The following MTUS2 variants were observed in gnomAD, a reference collection of about 807,000 sequenced individuals.
MTUS2 encodes microtubule associated scaffold protein 2.
In MTUS2, 40 loss-of-function variants were observed where a neutral mutation model predicts 114.1. The observed-to-expected ratio is 0.35, with a 90% CI of 0.27 to 0.46. MTUS2 has a LOEUF of 0.46. Among genes scored for constraint, MTUS2 ranks in the 20% least tolerant of loss-of-function variants. MTUS2 has a pLI of 1.00. For synonymous variants in MTUS2, 688 were observed against 672.0 expected (o/e 1.02, Z -0.37); for missense variants, 1,679 against 1,705.4 (o/e 0.98, Z 0.27).
At chr13:29,467,022 A>C (rs1377116767) in intron 9 of MTUS2, among the ~76,000 whole-genome samples, 1 of 152,178 alleles carries the variant, frequency 6.6e-6, no homozygotes, top group Non-Finnish European at 1.5e-5. Context: ...TTTATTATCT[A>C]GCAGCCATTT....
At chr13:29,039,115 C>G (rs574084697) in intron 4 of MTUS2, among the ~76,000 whole-genome samples, 83 of 152,314 alleles carry the variant, frequency 5.4e-4, no homozygotes, top group African/African-American at 1.9e-3. Flanking sequence ...CCCAGTGCTT[C>G]CCATTGACAT....
intron 2 of MTUS2, among the ~76,000 whole-genome samples, chr13:28,941,142 C>T (rs1022368875): frequency 1.6e-4 from 25 of 151,768 alleles, no homozygotes; most frequent in Admixed American, 1.2e-3. Flanking sequence ...ACAACTATAC[C>T]AATAATTTTC....
intron 5 of MTUS2, among the ~76,000 whole-genome samples, chr13:29,164,233 A>G (rs1305690726): frequency 1.3e-5 from 2 of 152,242 alleles, no homozygotes; most frequent in African/African-American, 2.4e-5. Context: ...CTGTGCCCGC[A>G]ACAGGCTGGA....
intron 5 of MTUS2, among the ~76,000 whole-genome samples, chr13:29,114,171 T>G (rs1890991847): frequency 6.6e-6 from 1 of 151,934 alleles, no homozygotes; most frequent in Non-Finnish European, 1.5e-5. Flanking sequence ...TTTTTTTAAA[T>G]AAATTACCCA....
chr13:29,069,917 G>A (rs1888836002), intron 4 of MTUS2, among the ~76,000 whole-genome samples: 1 of 152,276 alleles, frequency 6.6e-6, no homozygotes, highest in Non-Finnish European at 1.5e-5. Context: ...CATTGTATAT[G>A]AGCTCCTAGC....
intron 4 of MTUS2, among the ~76,000 whole-genome samples, chr13:29,036,578 CGTT>C (rs1378752963): frequency 6.6e-6 from 1 of 152,148 alleles, no homozygotes; most frequent in African/African-American, 2.4e-5. Flanking sequence ...AATTTTGTCT[CGTT>C]GATCTGTCTA....
intron 5 of MTUS2, among the ~76,000 whole-genome samples, chr13:29,244,386 C>T (rs1361819174): frequency 6.6e-6 from 1 of 152,064 alleles, no homozygotes; most frequent in Non-Finnish European, 1.5e-5. Context: ...TTCTGAAGAT[C>T]CCACTGATGG....
intron 2 of MTUS2, among the ~76,000 whole-genome samples, chr13:28,877,149 C>CA (rs1455124921): frequency 6.8e-6 from 1 of 146,882 alleles, no homozygotes; most frequent in Non-Finnish European, 1.5e-5. Context: ...AAAAAAACAA[C>CA]AAAAAAATAC....
intron 4 of MTUS2, among the ~76,000 whole-genome samples, chr13:29,077,564 C>T (rs140062627): frequency 6.6e-6 from 1 of 152,244 alleles, no homozygotes; most frequent in African/African-American, 2.4e-5. Flanking sequence ...ATAGCACTTA[C>T]TCTCACCTCT....
chr13:29,172,679 A>G (rs1450925076), intron 5 of MTUS2, among the ~76,000 whole-genome samples: 1 of 152,180 alleles, frequency 6.6e-6, no homozygotes, highest in African/African-American at 2.4e-5. Context: ...AGACATGGGG[A>G]CTGTTTATCT....
In MTUS2 at chr13:29,303,287, C is replaced by T. The variant is rs550213830; in HGVS notation, c.2807-21326C>T. Among the ~76,000 whole-genome samples, 139 of 152,290 alleles carry T rather than the reference C, an allele frequency of 9.1e-4. 1 individual carries two copies. Among genetic ancestry groups the T allele is most frequent in the Middle Eastern group, 3.4e-3 (1 of 294 alleles). On this transcript the variant is annotated intron_variant, in intron 6 of 15. Transcript: ENST00000612955. ...GCACCTCTGCAGCAAGGACACAGAA[C>T]TGGGCTGAGGCTAAGATGGCTGAAT...
At position 29,480,414 on chromosome 13, in the gene MTUS2, G is replaced by T. The variant is rs368447931; in HGVS notation, c.3399+50G>T. 6.8e-7 allele frequency: 1 copy of T among 1,461,314 alleles called. No individual in the cohort carries two copies. Among genetic ancestry groups the T allele is most frequent in the Non-Finnish European group, 9.1e-7 (1 of 1,102,754 alleles). The allele number at this position is 1,461,314 out of a possible 1,614,324, so 90.5% of individuals were successfully genotyped here. ...TCTGCTGTTGGGTGATGCAGGTGGC[G>T]GGCGGCGGGGATCCAGTGCCACATT... On this transcript the variant is annotated intron_variant, in intron 10 of 15. Coordinates refer to ENST00000612955, the MANE Select transcript of MTUS2 (RefSeq NM_001033602.4). This position sits in a 1 kb window ranked among gnomAD's most constrained non-coding sequence, Gnocchi z 4.4.
intron 9 of MTUS2, among the ~76,000 whole-genome samples, chr13:29,475,632 T>A (rs1315544812): frequency 6.6e-6 from 1 of 152,126 alleles, no homozygotes; most frequent in Non-Finnish European, 1.5e-5. Context: ...GTGTCTTAGT[T>A]TTTAACAAAA....
In MTUS2 at chr13:29,430,301, A is replaced by G. The variant is rs1208868053; in HGVS notation, c.3118-9682A>G. Among the ~76,000 whole-genome samples, 3 of 152,300 alleles carry G rather than the reference A, an allele frequency of 2.0e-5. No homozygotes were observed. In the East Asian group the frequency reaches 5.8e-4, roughly 29 times the overall value. ...TTGGTTTGAGAAAGTATGTTTCGAA[A>G]GGAGTCTGTTTCCCTATTTTGTTTT... On this transcript the variant is annotated intron_variant, in intron 8 of 15. Coordinates refer to ENST00000612955, the MANE Select transcript of MTUS2 (RefSeq NM_001033602.4).
chr13:28,823,944 C>T (rs1003397547), intron 1 of MTUS2, among the ~76,000 whole-genome samples: 3 of 152,100 alleles, frequency 2.0e-5, no homozygotes, highest in Non-Finnish European at 2.9e-5. Flanking sequence ...AACTTACTGT[C>T]GCGAGAACAA....
intron 2 of MTUS2, among the ~76,000 whole-genome samples, chr13:29,009,067 TA>T (rs1566288450): frequency 6.6e-6 from 1 of 152,018 alleles, no homozygotes; most frequent in Non-Finnish European, 1.5e-5. Context: ...TCCTTGACTT[TA>T]ATGCCTTCTT....
At chr13:29,404,256 T>C (rs1460549962) in intron 8 of MTUS2, among the ~76,000 whole-genome samples, 1 of 136,534 alleles carries the variant, frequency 7.3e-6, no homozygotes, top group African/African-American at 2.8e-5. Context: ...GAGGCTGAGG[T>C]GGGAGGATCA....
chr13:29,273,363 G>A (rs1897946630), intron 5 of MTUS2, among the ~76,000 whole-genome samples: 1 of 152,110 alleles, frequency 6.6e-6, no homozygotes, highest in African/African-American at 2.4e-5. Context: ...AACAACCCTG[G>A]GACAGATTGG....
chr13:29,446,597 T>G (rs1717453004), intron 9 of MTUS2, among the ~76,000 whole-genome samples: 1 of 152,244 alleles, frequency 6.6e-6, no homozygotes. Flanking sequence ...TGCAAATTAC[T>G]TTTTACCTCT....
Sources: gnomAD v4.1 joint callset for allele counts (sites outside exome capture counted in the v4.1 genomes callset) on GRCh38, gnomAD v4.1.1 for gene constraint, Gnocchi (gnomAD v3.1) non-coding constraint, MANE v1.5 for transcripts, NCBI Gene and HGNC (gene_info 2026-07-23, HGNC 2026-07-21) for gene names.